Variants in USP33 observed in about 807,000 individuals in gnomAD.
The protein encoded by USP33 is ubiquitin specific peptidase 33.
A neutral mutation model predicts 124.2 loss-of-function variants in USP33; 46 were observed. The ratio of observed to expected loss-of-function variants is 0.37; its 90% CI spans 0.29 to 0.47. The LOEUF is 0.47. USP33 is among the 20% of genes least tolerant of loss of function. The probability of loss-of-function intolerance (pLI) is 0.99; values close to 1 mark genes in which losing one functional copy is unlikely to be tolerated. For synonymous variants in USP33, 350 were observed against 352.3 expected, an observed-to-expected ratio of 0.99 and a Z score of 0.07; for missense variants, 851 against 1,070.6, an observed-to-expected ratio of 0.79 and a Z score of 2.86.
intron 21 of USP33, among the ~76,000 whole-genome samples, chr1:77,708,109 T>C (rs184282257): frequency 2.9e-4 from 44 of 152,340 alleles, no homozygotes; most frequent in Admixed American, 1.2e-3. Flanking sequence ...TGTTGTTTGG[T>C]TGTGTAAGTG....
chr1:77,718,121 T>G, intron 16 of USP33, 74 bp from the exon 17 acceptor site: 1 of 1,277,152 alleles, frequency 7.8e-7, no homozygotes. Context: ...TAAAACTTAG[T>G]AACATTTTTA....
In USP33 at chr1:77,705,826, T is replaced by G. The variant is rs557055588; in HGVS notation, c.2407-4355A>C. Among the ~76,000 whole-genome samples, 10 of 152,266 alleles carry G rather than the reference T, an allele frequency of 6.6e-5. No homozygotes were observed. The South Asian group carries it at 2.1e-3, about 32-fold the overall frequency. On this transcript the variant is annotated intron_variant, in intron 21 of 23. Coordinates refer to ENST00000370794, the MANE Select transcript of USP33 (RefSeq NM_201624.3). ...TGTCTTGCACCAGTTTGCAATCAAT[T>G]CCCCTTCTCTCAGCCCTTGAAATCA...
intron 21 of USP33, among the ~76,000 whole-genome samples, chr1:77,707,387 G>A (rs759069888): frequency 4.6e-5 from 7 of 152,040 alleles, no homozygotes; most frequent in South Asian, 2.1e-4. Flanking sequence ...TCTTCTCTGC[G>A]TATCTCTCTG....
intron 1 of USP33, among the ~76,000 whole-genome samples, chr1:77,749,872 A>C (rs760471913): frequency 1.6e-4 from 25 of 152,242 alleles, no homozygotes; most frequent in Admixed American, 2.0e-4. Context: ...ATTGAAAAGA[A>C]ACTTCCAAGA....
intron 9 of USP33, 59 bp downstream of exon 9, chr1:77,729,794 AAAAACAT>A: frequency 6.5e-7 from 1 of 1,537,892 alleles, no homozygotes; most frequent in Non-Finnish European, 9.0e-7. Context: ...TAGACCCAAA[AAAAACAT>A]AATGGCATTT....
intron 7 of USP33, among the ~76,000 whole-genome samples, chr1:77,732,851 T>G (rs1007525796): frequency 1.4e-5 from 2 of 146,342 alleles, no homozygotes; most frequent in African/African-American, 5.1e-5. Flanking sequence ...TAGAGTGCAA[T>G]GGCATGACCT....
In USP33 at chr1:77,696,569, T is replaced by C. The variant is rs1673457009; in HGVS notation, c.*748A>G. On this transcript the variant is annotated 3_prime_UTR_variant, in exon 24 of 24. Transcript: ENST00000370794. ...AATTTTCTGACTACTACTTTCAACT[T>C]AAAATAGGCTCTTTATTATATGAAG... The C allele has an allele frequency of 6.6e-6, 1 of 152,454 alleles. No homozygotes were observed. The highest frequency in any genetic ancestry group is 6.5e-5 in the Admixed American group (1 of 15,270). 9.4% of individuals were successfully genotyped at this position (152,454 alleles called of 1,614,324 possible). A position where few individuals can be genotyped will look rare whatever the true frequency, so the allele number is the denominator to read the frequency against.
At chr1:77,732,109 T>TAA (rs77932938) in intron 7 of USP33, among the ~76,000 whole-genome samples, 23 of 129,000 alleles carry the variant, frequency 1.8e-4, no homozygotes, top group African/African-American at 3.1e-4. Flanking sequence ...GTCTCTAACT[T>TAA]AAAAAAAAAA....
At chr1:77,735,208 T>C (rs1168508720) in intron 6 of USP33, among the ~76,000 whole-genome samples, 1 of 152,132 alleles carries the variant, frequency 6.6e-6, no homozygotes, top group Non-Finnish European at 1.5e-5. Context: ...CAATTTCATA[T>C]GGTTCAAGCT....
chr1:77,738,905 A>G (rs766988320), intron 5 of USP33, among the ~76,000 whole-genome samples: 15 of 152,218 alleles, frequency 9.9e-5, no homozygotes, highest in African/African-American at 3.6e-4. Flanking sequence ...AGAACGGGGA[A>G]GAGAGCTGAA....
intron 1 of USP33, among the ~76,000 whole-genome samples, chr1:77,754,487 G>A (rs1435979285): frequency 2.6e-5 from 4 of 152,106 alleles, no homozygotes; most frequent in Non-Finnish European, 5.9e-5. Flanking sequence ...AAGTGCTCAG[G>A]GAGACTTTTC....
At chr1:77,748,781 C>CCT (rs1679999662) in intron 1 of USP33, among the ~76,000 whole-genome samples, 1 of 38,450 alleles carries the variant, frequency 2.6e-5, no homozygotes, top group African/African-American at 1.8e-4. Flanking sequence ...TCCTTCCCTC[C>CCT]CCCCCCCCCC....
At chr1:77,729,157 C>T (rs937770176) in intron 9 of USP33, among the ~76,000 whole-genome samples, 3 of 152,114 alleles carry the variant, frequency 2.0e-5, no homozygotes, top group African/African-American at 4.8e-5. Context: ...CCGCCTACCT[C>T]GGCCTTCTGA....
chr1:77,751,013 T>C (rs115518460), intron 1 of USP33, among the ~76,000 whole-genome samples: 26 of 152,298 alleles, frequency 1.7e-4, no homozygotes, highest in Non-Finnish European at 3.1e-4. Context: ...GAGATGAGTA[T>C]TAGACATTAG....
intron 1 of USP33, among the ~76,000 whole-genome samples, chr1:77,749,294 T>C (rs937768901): frequency 1.6e-4 from 24 of 152,216 alleles, no homozygotes; most frequent in African/African-American, 5.8e-4. Context: ...ATTTATCTTC[T>C]CCACTATTTT....
chr1:77,726,958 A>T (rs926358071), intron 10 of USP33, among the ~76,000 whole-genome samples: 2 of 152,190 alleles, frequency 1.3e-5, no homozygotes, highest in African/African-American at 2.4e-5. Flanking sequence ...TTGAGTGAAG[A>T]AAAGAGAATT....
At chr1:77,748,784 C>T (rs376201032) in intron 1 of USP33, among the ~76,000 whole-genome samples, 1 of 87,932 alleles carries the variant, frequency 1.1e-5, no homozygotes, top group African/African-American at 5.3e-5. Flanking sequence ...TTCCCTCCCC[C>T]CCCCCCCCGT....
intron 21 of USP33, among the ~76,000 whole-genome samples, chr1:77,702,140 T>G (rs188003544): frequency 0.13 from 1,913 of 15,146 alleles, 42 homozygotes; most frequent in African/African-American, 0.3. Context: ...AGACCCTGTC[T>G]CAAAAAAAAA....
chr1:77,727,770 T>G (rs1293696860), intron 10 of USP33, among the ~76,000 whole-genome samples: 1 of 152,246 alleles, frequency 6.6e-6, no homozygotes, highest in African/African-American at 2.4e-5. Flanking sequence ...CTTGAAGAGA[T>G]AAATTACAAA....
Sources: gnomAD v4.1 joint callset for allele counts (sites outside exome capture counted in the v4.1 genomes callset) on GRCh38, gnomAD v4.1.1 for gene constraint, MANE v1.5 for transcripts, NCBI Gene and HGNC (gene_info 2026-07-23, HGNC 2026-07-21) for gene names.